Variants in OR5K1 observed in about 807,000 individuals in gnomAD.
OR5K1 encodes the protein olfactory receptor family 5 subfamily K member 1, also known as olfactory receptor 5K1.
In OR5K1, 7 loss-of-function variants were observed where a neutral mutation model predicts 10.4. The observed-to-expected ratio is 0.67, with a 90% CI of 0.38 to 1.26. OR5K1 has a LOEUF of 1.26. OR5K1 is among the 50% of genes most tolerant of loss of function. The pLI is 0.02. For missense variants in OR5K1, 435 were observed against 366.2 expected (o/e 1.19, Z -1.53); for synonymous variants, 135 against 128.5 (o/e 1.05, Z -0.34).
Position 98,468,617 on chromosome 3 carries a change from C to A in OR5K1, c.-11-949C>A, listed in dbSNP as rs972437537. On this transcript the variant is annotated intron_variant, in intron 1 of 1. Transcript: ENST00000642057. ...TGGCTTACTTCAATTAGCATTATGT[C>A]TCCAAGGTTGATCCATGTTGTAACA... 1.8e-4 allele frequency among the ~76,000 whole-genome samples: 27 copies of A among 152,042 alleles called. 1 individual carries two copies. The highest frequency in any genetic ancestry group is 7.9e-4 in the Admixed American group (12 of 15,240).
chr3:98,469,445 A>G, intron 1 of OR5K1, 121 bp from the exon 2 acceptor site: 1 of 919,788 alleles, frequency 1.1e-6, no homozygotes, highest in Non-Finnish European at 1.6e-6. Context: ...GGCATGCACC[A>G]AAGTCCAGGC....
intron 1 of OR5K1, among the ~76,000 whole-genome samples, chr3:98,463,981 G>T (rs1705340416): frequency 6.6e-6 from 1 of 152,166 alleles, no homozygotes. Context: ...TCAGCCAGGT[G>T]CAGTGGCTCA....
chr3:98,464,117 A>G (rs1705341887), intron 1 of OR5K1, among the ~76,000 whole-genome samples: 1 of 151,896 alleles, frequency 6.6e-6, no homozygotes, highest in Admixed American at 6.6e-5. Flanking sequence ...TAAATAGCCA[A>G]GCAGGTGGCG....
chr3:98,469,592 C>G lies in OR5K1; in HGVS notation c.16C>G (p.His6Asp), dbSNP rs868046402. The change falls in exon 2 of 2, where the codon CAT becomes GAT. Residue 6 changes from histidine (H) to aspartate (D), a missense_variant. Transcript: ENST00000642057. The part of the protein sequence containing the change: MAEEN[H>D]TMKNEFILTG... ...CAAGTCAGGAATGGCTGAAGAAAAT[C>G]ATACCATGAAAAATGAGTTTATCCT... 10 of 1,608,428 alleles carry G rather than the reference C, an allele frequency of 6.2e-6. No homozygotes were observed. Among genetic ancestry groups the G allele is most frequent in the South Asian group, 1.1e-5 (1 of 90,286 alleles).
In OR5K1 at chr3:98,470,100, A is replaced by G. The variant is rs1705427021; in HGVS notation, c.524A>G (p.Asn175Ser). Residue 175 changes from asparagine (N) to serine (S), a missense_variant, in exon 2 of 2, where the codon AAC becomes AGC. By Grantham distance (46) the Asn-to-Ser change is conservative. Coordinates refer to ENST00000642057, the MANE Select transcript of OR5K1 (RefSeq NM_001004736.4). Reference protein sequence around the residue: ...RLVFCGSNHINHFYCDILPLY... With the variant: ...RLVFCGSNHISHFYCDILPLY... ...GTTTTCTGTGGATCGAATCACATCA[A>G]CCACTTTTACTGTGATATTCTTCCC... The G allele has an allele frequency of 1.2e-6, 2 of 1,613,592 alleles. No individual in the cohort carries two copies. Among genetic ancestry groups the G allele is most frequent in the South Asian group, 1.1e-5 (1 of 91,072 alleles).
chr3:98,468,701 C>G (rs1039910346), intron 1 of OR5K1, among the ~76,000 whole-genome samples: 1 of 152,186 alleles, frequency 6.6e-6, no homozygotes, highest in South Asian at 2.1e-4. Flanking sequence ...TATATACCAC[C>G]ATTTATTTAT....
intron 1 of OR5K1, among the ~76,000 whole-genome samples, chr3:98,465,924 T>C (rs1225920128): frequency 2.0e-5 from 3 of 151,856 alleles, no homozygotes; most frequent in African/African-American, 7.3e-5. Context: ...ATACTTTAAG[T>C]TTTAGGGTAC....
intron 1 of OR5K1, among the ~76,000 whole-genome samples, chr3:98,464,657 T>G (rs558600822): frequency 1.6e-3 from 237 of 152,290 alleles, no homozygotes; most frequent in Non-Finnish European, 2.6e-3. Flanking sequence ...TCCCAAAATT[T>G]TAATAAATGT....
intron 1 of OR5K1, among the ~76,000 whole-genome samples, chr3:98,466,039 C>T (rs1436303247): frequency 6.6e-6 from 1 of 151,946 alleles, no homozygotes; most frequent in Non-Finnish European, 1.5e-5. Context: ...CCAATGCTAT[C>T]CCTCCCCGGT....
intron 1 of OR5K1, among the ~76,000 whole-genome samples, chr3:98,463,524 T>C (rs1705336340): frequency 6.6e-6 from 1 of 152,186 alleles, no homozygotes; most frequent in Admixed American, 6.5e-5. Context: ...TCTAAATTTA[T>C]ATCAAGAGAT....
intron 1 of OR5K1, among the ~76,000 whole-genome samples, chr3:98,468,066 A>C (rs891664630): frequency 5.9e-5 from 9 of 152,070 alleles, no homozygotes; most frequent in Non-Finnish European, 1.2e-4. Flanking sequence ...AATAATTCTT[A>C]ATTGTATGCA....
intron 1 of OR5K1, among the ~76,000 whole-genome samples, chr3:98,467,108 T>C (rs186957013): frequency 0.013 from 1,338 of 103,968 alleles, 111 homozygotes; most frequent in African/African-American, 0.061. Context: ...AGTTTCAGCT[T>C]TCTACCTATG....
rs1705434941 is a variant in OR5K1, at chr3:98,470,461, G to A, written c.885G>A (p.Arg295=). ...CTTTCATTTATAGCCTGAGAAATAGGGAAGTAATAAGTGTCTTAAGAAAAA... is the reference window on the plus strand; with the variant it reads ...CTTTCATTTATAGCCTGAGAAATAGAGAAGTAATAAGTGTCTTAAGAAAAA... ...LNPFIYSLRN[R]EVISVLRKIL... is the part of the protein sequence containing the mutation. The change falls in exon 2 of 2, where the codon AGG becomes AGA. Residue 295 remains arginine, a synonymous_variant. Coordinates refer to ENST00000642057, the MANE Select transcript of OR5K1 (RefSeq NM_001004736.4). The A allele has an allele frequency of 1.3e-6, 2 of 1,586,538 alleles. No homozygotes were observed. The highest frequency in any genetic ancestry group is 2.7e-5 in the African/African-American group (2 of 74,062).
chr3:98,470,332 T>C lies in OR5K1; in HGVS notation c.756T>C (p.Tyr252=), dbSNP rs759818584. ...ASHFLSVSLF[Y]GSLFFMYVRP... is the part of the protein sequence containing the mutation. ...ACTTTTTGTCAGTTTCATTATTCTATGGATCTCTTTTCTTCATGTACGTTA... is the reference window on the plus strand; with the variant it reads ...ACTTTTTGTCAGTTTCATTATTCTACGGATCTCTTTTCTTCATGTACGTTA... Residue 252 remains tyrosine (Y), a synonymous_variant, in exon 2 of 2, where the codon TAT becomes TAC. Transcript: ENST00000642057. The C allele has an allele frequency of 6.2e-7, 1 of 1,613,326 alleles. No homozygotes were observed. Among genetic ancestry groups the C allele is most frequent in the Non-Finnish European group, 8.5e-7 (1 of 1,179,580 alleles).
chr3:98,466,843 G>A (rs1399162274), intron 1 of OR5K1, among the ~76,000 whole-genome samples: 1 of 120,642 alleles, frequency 8.3e-6, no homozygotes, highest in Non-Finnish European at 1.6e-5. Context: ...CTCCCATTTT[G>A]TAGGTTGCCT....
intron 1 of OR5K1, among the ~76,000 whole-genome samples, chr3:98,469,116 G>A (rs1460173543): frequency 6.6e-6 from 1 of 152,050 alleles, no homozygotes; most frequent in Non-Finnish European, 1.5e-5. Flanking sequence ...GAAAGAATGA[G>A]ATCATGTCCT....
chr3:98,465,230 T>C (rs1705357574), intron 1 of OR5K1, among the ~76,000 whole-genome samples: 1 of 152,194 alleles, frequency 6.6e-6, no homozygotes, highest in Admixed American at 6.5e-5. Context: ...ATTTTGTTTA[T>C]AAAACTTTCT....
chr3:98,465,363 TA>T (rs752884655), intron 1 of OR5K1, among the ~76,000 whole-genome samples: 7 of 152,198 alleles, frequency 4.6e-5, no homozygotes, highest in African/African-American at 7.2e-5. Flanking sequence ...TATTTCATCA[TA>T]ACTTACTAAA....
chr3:98,472,923 CAG>C (rs1705468488), exon 2 of OR5K1: 1 of 151,714 alleles, frequency 6.6e-6, no homozygotes, highest in African/African-American at 2.4e-5. Flanking sequence ...CAGAGGAAAA[CAG>C]ACATGTTTAA....
Sources: gnomAD v4.1 joint callset for allele counts (sites outside exome capture counted in the v4.1 genomes callset) on GRCh38, gnomAD v4.1.1 for gene constraint, MANE v1.5 for transcripts, NCBI Gene and HGNC (gene_info 2026-07-23, HGNC 2026-07-21) for gene names.